Variants in SGMS1 observed in about 807,000 individuals in gnomAD.
SGMS1 encodes phosphatidylcholine:ceramide cholinephosphotransferase 1.
Under a neutral mutation model 46.2 loss-of-function variants are expected in SGMS1, and 13 were observed. The ratio of observed to expected loss-of-function variants is 0.28; its 90% confidence interval spans 0.18 to 0.45. SGMS1 has a LOEUF of 0.45. Among genes scored for constraint, SGMS1 ranks in the 20% least tolerant of loss-of-function variants. The pLI, the probability that SGMS1 is intolerant of heterozygous loss-of-function variation, is 1.00. For synonymous variants in SGMS1, 203 were observed against 187.8 expected (o/e 1.08, Z -0.66); for missense variants, 324 against 519.9 (o/e 0.62, Z 3.66).
In SGMS1 at chr10:50,516,624, T is replaced by C. The variant is rs1837808849; in HGVS notation, c.-498+3207A>G. Among the ~76,000 whole-genome samples the C allele has an allele frequency of 2.0e-5, 3 of 152,304 alleles. No individual in the cohort carries two copies. In the South Asian group the frequency reaches 6.2e-4, roughly 32 times the overall value. ...AAGTGTAAGGATATAGTATGTCATA[T>C]GTTTAGCTAGCTTTCAAAAAGATCA... On this transcript the variant is annotated intron_variant, in intron 3 of 10. Coordinates refer to ENST00000361781, the MANE Select transcript of SGMS1 (RefSeq NM_147156.4).
intron 2 of SGMS1, among the ~76,000 whole-genome samples, chr10:50,537,093 TC>T (rs1838008448): frequency 6.6e-6 from 1 of 152,190 alleles, no homozygotes; most frequent in African/African-American, 2.4e-5. Context: ...TCTCTCAAGC[TC>T]CTTTGGCTGA....
intron 2 of SGMS1, among the ~76,000 whole-genome samples, chr10:50,579,349 A>G (rs1186581750): frequency 6.6e-6 from 1 of 152,116 alleles, no homozygotes; most frequent in African/African-American, 2.4e-5. Flanking sequence ...GAGAAAACAG[A>G]GGGGGGAATT....
At chr10:50,549,679 C>A (rs1294891968) in intron 2 of SGMS1, among the ~76,000 whole-genome samples, 2 of 152,178 alleles carry the variant, frequency 1.3e-5, no homozygotes, top group African/African-American at 4.8e-5. Context: ...ACATCCTGCA[C>A]ATCTATCCCT....
intron 2 of SGMS1, among the ~76,000 whole-genome samples, chr10:50,543,836 T>C (rs1281655533): frequency 6.6e-6 from 1 of 152,174 alleles, no homozygotes; most frequent in East Asian, 1.9e-4. Context: ...GTCTTCTATG[T>C]TTAGAAAAAT....
chr10:50,401,464 A>G (rs1848939301), intron 6 of SGMS1, among the ~76,000 whole-genome samples: 2 of 152,192 alleles, frequency 1.3e-5, no homozygotes, highest in African/African-American at 4.8e-5. Context: ...GTGAGTGGCA[A>G]CACTGGGAAC....
intron 3 of SGMS1, among the ~76,000 whole-genome samples, chr10:50,515,131 G>A (rs1837790280): frequency 1.3e-5 from 2 of 152,094 alleles, no homozygotes; most frequent in Admixed American, 1.3e-4. Context: ...GTTACAAATG[G>A]CCAAGTGTCC....
chr10:50,558,031 A>G (rs1399247408), intron 2 of SGMS1, among the ~76,000 whole-genome samples: 3 of 152,166 alleles, frequency 2.0e-5, no homozygotes, highest in Non-Finnish European at 4.4e-5. Context: ...GCCTTAAGAG[A>G]CAGTTATTAT....
rs766144526 is a variant in SGMS1, at chr10:50,343,866, C to T, written c.249G>A (p.Gly83=). Residue 83 remains glycine (G), a synonymous_variant, in exon 7 of 11, where the codon GGG becomes GGA. Transcript: ENST00000361781. ...GGATGTCTACGCCAATGTTGAGGTGCCCATTGGCATGGCCGTTCTTGTGTG... is the reference window on the plus strand; with the variant it reads ...GGATGTCTACGCCAATGTTGAGGTGTCCATTGGCATGGCCGTTCTTGTGTG... The part of the protein sequence containing the change: ...LEAHKNGHAN[G]HLNIGVDIPT... The T allele has an allele frequency of 1.9e-6, 3 of 1,614,096 alleles. No individual in the cohort carries two copies. Among genetic ancestry groups the T allele is most frequent in the Non-Finnish European group, 2.5e-6 (3 of 1,180,014 alleles).
chr10:50,508,851 A>G (rs1366752895), intron 3 of SGMS1, among the ~76,000 whole-genome samples: 1 of 152,208 alleles, frequency 6.6e-6, no homozygotes, highest in Non-Finnish European at 1.5e-5. Context: ...CTCCTATGTA[A>G]TAGCTTCCTC....
Position 50,371,233 on chromosome 10 carries a change from A to C in SGMS1, c.-231-26888T>G, listed in dbSNP as rs114865737. ...TATAATCATTTGGGACCACCATTGT[A>C]CAGATAATTTGTCATTGACCAAAAT... On this transcript the variant is annotated intron_variant, in intron 6 of 10. Transcript: ENST00000361781. Among the ~76,000 whole-genome samples, 1,450 of 152,294 alleles carry C rather than the reference A, an allele frequency of 9.5e-3. 29 individuals carry two copies. Among genetic ancestry groups the C allele is most frequent in the African/African-American group, 0.033 (1,382 of 41,532 alleles).
intron 6 of SGMS1, among the ~76,000 whole-genome samples, chr10:50,395,321 T>C (rs1310403937): frequency 6.6e-6 from 1 of 152,170 alleles, no homozygotes; most frequent in African/African-American, 2.4e-5. Context: ...GGTGTAGCAT[T>C]TGACTACAGT....
At chr10:50,328,105 C>T (rs1353728781) in intron 7 of SGMS1, 1 of 382,068 alleles carries the variant, frequency 2.6e-6, no homozygotes, top group Non-Finnish European at 4.9e-6. Flanking sequence ...TTGATATATA[C>T]ATGTAGGTTT....
In SGMS1 at chr10:50,500,382, T is replaced by C. The variant is rs189724494; in HGVS notation, c.-498+19449A>G. Among the ~76,000 whole-genome samples the C allele has an allele frequency of 4.4e-3, 662 of 152,102 alleles. 8 individuals carry two copies. The highest frequency in any genetic ancestry group is 7.5e-3 in the Non-Finnish European group (508 of 67,902). On this transcript the variant is annotated intron_variant, in intron 3 of 10. Coordinates refer to ENST00000361781, the MANE Select transcript of SGMS1 (RefSeq NM_147156.4). ...TAAATTACAGTAAAATATAAAACAA[T>C]TGGGAACCTGAAGCAATTGTGAAAG...
At chr10:50,525,320 G>A (rs11006029) in intron 2 of SGMS1, among the ~76,000 whole-genome samples, 2,862 of 152,220 alleles carry the variant, frequency 0.019, 75 homozygotes, top group African/African-American at 0.064. Flanking sequence ...CAATATGCCC[G>A]TTTCTGGCTC....
intron 1 of SGMS1, among the ~76,000 whole-genome samples, chr10:50,609,492 A>G (rs866456052): frequency 2.8e-5 from 4 of 144,610 alleles, no homozygotes; most frequent in African/African-American, 1.0e-4. Flanking sequence ...CCTGGCCCAT[A>G]GTAGGGCCCA....
chr10:50,430,327 G>A (rs1047049481), intron 6 of SGMS1, among the ~76,000 whole-genome samples: 15 of 152,180 alleles, frequency 9.9e-5, no homozygotes, highest in Non-Finnish European at 1.2e-4. Context: ...CTACAATTAT[G>A]TAGATGTATA....
intron 4 of SGMS1, 119 bp from the exon 5 acceptor site, chr10:50,460,933 T>C (rs1284141267): frequency 6.6e-6 from 1 of 152,180 alleles, no homozygotes; most frequent in East Asian, 1.9e-4. Flanking sequence ...TTAAAGTACT[T>C]ATAAACTTGG....
At position 50,590,182 on chromosome 10, in the gene SGMS1, T is replaced by G. The variant is rs1838527194; in HGVS notation, c.-618A>C. On this transcript the variant is annotated 5_prime_UTR_variant, in exon 2 of 11. Coordinates refer to ENST00000361781, the MANE Select transcript of SGMS1 (RefSeq NM_147156.4). ...CAAATGATGGCTGTCTTCTTTCTCC[T>G]GATCAAAAATGAATGACTAAATATG... is the stretch of plus-strand genomic sequence containing the variant. 1 of 152,374 alleles carries G rather than the reference T, an allele frequency of 6.6e-6. No individual in the cohort carries two copies. The highest frequency in any genetic ancestry group is 2.4e-5 in the African/African-American group (1 of 41,470). The allele number at this position is 152,374 out of a possible 1,614,324, so 9.4% of individuals were successfully genotyped here. A position where few individuals can be genotyped will look rare whatever the true frequency, so the allele number is the denominator to read the frequency against.
chr10:50,350,510 C>T (rs1424141323), intron 6 of SGMS1, among the ~76,000 whole-genome samples: 2 of 152,146 alleles, frequency 1.3e-5, no homozygotes, highest in African/African-American at 4.8e-5. Flanking sequence ...AAGTTCTTCA[C>T]AGCAGCCCCT....
Sources: gnomAD v4.1 joint callset for allele counts (sites outside exome capture counted in the v4.1 genomes callset) on GRCh38, gnomAD v4.1.1 for gene constraint, MANE v1.5 for transcripts, NCBI Gene and HGNC (gene_info 2026-07-23, HGNC 2026-07-21) for gene names.